The following RARRES1 variants were observed in gnomAD, a reference collection of about 807,000 sequenced individuals.
RARRES1 encodes the protein retinoic acid receptor responder protein 1.
A neutral mutation model predicts 30.6 loss-of-function variants in RARRES1; 34 were observed. The ratio of observed to expected loss-of-function variants is 1.11; its 90% CI spans 0.84 to 1.48. RARRES1 has a LOEUF of 1.48. RARRES1 is among the 40% of genes most tolerant of loss of function. RARRES1 has a pLI of 0.00. For missense variants in RARRES1, 373 were observed against 386.5 expected (o/e 0.97, Z 0.29); for synonymous variants, 153 against 155.5 (o/e 0.98, Z 0.12).
At chr3:158,728,765 C>G (rs973187918) in intron 1 of RARRES1, among the ~76,000 whole-genome samples, 13 of 152,202 alleles carry the variant, frequency 8.5e-5, no homozygotes, top group Admixed American at 5.9e-4. Context: ...CTCAAGTGAT[C>G]TGCTTGCCTC....
intron 1 of RARRES1, among the ~76,000 whole-genome samples, chr3:158,730,441 TTC>T (rs1330563510): frequency 2.1e-5 from 3 of 143,076 alleles, no homozygotes; most frequent in Non-Finnish European, 4.6e-5. Flanking sequence ...TCTCTTTTTT[TTC>T]CCCATAGGGT....
Position 158,697,726 on chromosome 3 carries a change from T to C in RARRES1, c.837A>G (p.Gly279=), listed in dbSNP as rs1726591492. Residue 279 remains glycine (G), a synonymous_variant, in exon 6 of 6, where the codon GGA becomes GGG. Coordinates refer to ENST00000237696, the MANE Select transcript of RARRES1 (RefSeq NM_206963.2). ...GTACTACAGCTGATCCTTCTTCAGT[T>C]CCGGAGGCTTCTTCTGGTGTCTGTA... The part of the protein sequence containing the change: ...QELQTPEEAS[G]TEEGSAVVPT... 1 of 1,613,452 alleles carries C rather than the reference T, an allele frequency of 6.2e-7. No individual in the cohort carries two copies. The highest frequency in any genetic ancestry group is 8.5e-7 in the Non-Finnish European group (1 of 1,179,482).
chr3:158,699,196 A>G (rs1333388264), intron 4 of RARRES1, among the ~76,000 whole-genome samples: 1 of 152,136 alleles, frequency 6.6e-6, no homozygotes, highest in Non-Finnish European at 1.5e-5. Flanking sequence ...CCTCTTCTGC[A>G]TGCCATTTAT....
chr3:158,701,213 CT>C (rs1463290126), intron 4 of RARRES1, among the ~76,000 whole-genome samples: 5 of 152,078 alleles, frequency 3.3e-5, no homozygotes, highest in African/African-American at 1.2e-4. Context: ...AAGGTACGGG[CT>C]TATCCATTTT....
At position 158,732,244 on chromosome 3, in the gene RARRES1, G is replaced by C; in HGVS notation, c.172C>G (p.Leu58Val). 7.2e-7 allele frequency: 1 copy of C among 1,386,566 alleles called. No homozygotes were observed. Among genetic ancestry groups the C allele is most frequent in the Non-Finnish European group, 9.3e-7 (1 of 1,079,220 alleles). 85.9% of individuals were successfully genotyped at this position (1,386,566 alleles called of 1,614,324 possible). A position where few individuals can be genotyped will look rare whatever the true frequency, so the allele number is the denominator to read the frequency against. Reference sequence around the variant, plus strand: ...GCCGCGCGCGCCGCCTGCTGCAGGAGCCTGCGCGGGACCCCAGCATCCTGA... The same window carrying C: ...GCCGCGCGCGCCGCCTGCTGCAGGACCCTGCGCGGGACCCCAGCATCCTGA... ...QPQDAGVPRR[L>V]LQQAARAALH... The change falls in exon 1 of 6, where the codon CTC (leucine) becomes GTC (valine). Residue 58 changes from leucine (L) to valine (V), a missense_variant. Transcript: ENST00000237696.
chr3:158,730,369 TTCCTTC>T (rs1727837522), intron 1 of RARRES1, among the ~76,000 whole-genome samples: 3 of 46,730 alleles, frequency 6.4e-5, no homozygotes, highest in Admixed American at 3.3e-4. Context: ...AGGTTGCTCC[TTCCTTC>T]CTTCCTTCCT....
intron 1 of RARRES1, among the ~76,000 whole-genome samples, chr3:158,731,599 C>T (rs1201582721): frequency 6.6e-6 from 1 of 152,204 alleles, no homozygotes; most frequent in Admixed American, 6.5e-5. Flanking sequence ...CCCAGGCCTA[C>T]GTGTAAATTC....
At chr3:158,718,631 A>T (rs548186212) in intron 1 of RARRES1, among the ~76,000 whole-genome samples, 14 of 152,114 alleles carry the variant, frequency 9.2e-5, no homozygotes, top group Non-Finnish European at 1.9e-4. Flanking sequence ...TATGACCTAG[A>T]AATACCACTC....
intron 4 of RARRES1, among the ~76,000 whole-genome samples, chr3:158,698,677 C>CTTTT (rs11448918): frequency 5.4e-5 from 8 of 147,478 alleles, no homozygotes; most frequent in Non-Finnish European, 1.0e-4. Context: ...CTGACATTTC[C>CTTTT]TTTTTTTTTT....
At chr3:158,718,663 T>C (rs1189883618) in intron 1 of RARRES1, among the ~76,000 whole-genome samples, 1 of 152,054 alleles carries the variant, frequency 6.6e-6, no homozygotes, top group East Asian at 1.9e-4. Flanking sequence ...CCCAGAGAAA[T>C]AGTGATGGAG....
chr3:158,699,944 G>C (rs1726671604), intron 4 of RARRES1, among the ~76,000 whole-genome samples: 1 of 152,140 alleles, frequency 6.6e-6, no homozygotes, highest in Admixed American at 6.5e-5. Flanking sequence ...TCTATCCCAA[G>C]ATGTCCCACA....
intron 3 of RARRES1, among the ~76,000 whole-genome samples, chr3:158,705,319 ATC>A (rs1726883489): frequency 6.6e-6 from 1 of 152,046 alleles, no homozygotes; most frequent in South Asian, 2.1e-4. Flanking sequence ...CTGCTACCAA[ATC>A]TCTCAGATTT....
chr3:158,706,928 G>A (rs1004307784), intron 3 of RARRES1, among the ~76,000 whole-genome samples: 1 of 152,168 alleles, frequency 6.6e-6, no homozygotes, highest in South Asian at 2.1e-4. Flanking sequence ...CAGCACTTTG[G>A]GAGGCCAAGG....
rs116124013 is a variant in RARRES1, at chr3:158,725,292, G to T, written c.276+6848C>A. 8.1e-3 allele frequency among the ~76,000 whole-genome samples: 1,227 copies of T among 152,314 alleles called. 7 individuals carry two copies. Among genetic ancestry groups the T allele is most frequent in the African/African-American group, 0.028 (1,163 of 41,568 alleles). ...TCCAAAAAGGCAAATAAATGCCGAG[G>T]TCACATAAGTGTCATACATCTCTGG... On this transcript the variant is annotated intron_variant, in intron 1 of 5. Coordinates refer to ENST00000237696, the MANE Select transcript of RARRES1 (RefSeq NM_206963.2).
At chr3:158,711,021 A>G (rs1727115364) in intron 2 of RARRES1, 88 bp from the exon 3 acceptor site, 3 of 1,159,534 alleles carry the variant, frequency 2.6e-6, no homozygotes, top group Non-Finnish European at 3.6e-6. Flanking sequence ...TCATTGTACA[A>G]GGCAGGCAGG....
intron 3 of RARRES1, 37 bp downstream of exon 3, chr3:158,710,701 A>G: frequency 6.6e-7 from 1 of 1,522,012 alleles, no homozygotes; most frequent in Non-Finnish European, 9.0e-7. Context: ...TATTACATAC[A>G]TTCCTGAATA....
chr3:158,703,816 C>T (rs1312866618), intron 4 of RARRES1, among the ~76,000 whole-genome samples: 2 of 152,186 alleles, frequency 1.3e-5, no homozygotes, highest in African/African-American at 4.8e-5. Context: ...TTTGTCTACA[C>T]TCATTATCTG....
At chr3:158,718,586 G>A (rs559299193) in intron 1 of RARRES1, among the ~76,000 whole-genome samples, 2 of 152,300 alleles carry the variant, frequency 1.3e-5, no homozygotes, top group Admixed American at 6.5e-5. Context: ...GCAATCTGGC[G>A]TATGTGGTCA....
intron 1 of RARRES1, among the ~76,000 whole-genome samples, chr3:158,730,190 C>T (rs1426005644): frequency 2.0e-5 from 3 of 151,792 alleles, no homozygotes; most frequent in Non-Finnish European, 4.4e-5. Context: ...CGTGGTGGCA[C>T]GTGCCTGTAA....
Sources: allele counts gnomAD v4.1 joint callset (sites outside exome capture counted in the v4.1 genomes callset), GRCh38; gene constraint gnomAD v4.1.1; transcripts MANE v1.5; gene names NCBI Gene and HGNC (gene_info 2026-07-23, HGNC 2026-07-21).